The following LRMDA variants were observed in gnomAD, a reference collection of about 807,000 sequenced individuals.
LRMDA encodes leucine-rich melanocyte differentiation-associated protein.
LRMDA carries 18 observed loss-of-function variants against 29.8 expected under a neutral mutation model. The observed-to-expected ratio is 0.60, with a 90% CI of 0.42 to 0.90. The LOEUF (loss-of-function observed/expected upper bound fraction) is 0.90. Ranked by LOEUF, LRMDA falls within the 40% of genes least tolerant of loss-of-function variation. The pLI is 0.00. For synonymous variants in LRMDA, 125 were observed against 109.4 expected (o/e 1.14, Z -0.89); for missense variants, 273 against 273.9 (o/e 1.00, Z 0.02).
chr10:75,444,403 A>T (rs867434957), intron 2 of LRMDA, among the ~76,000 whole-genome samples: 6 of 152,320 alleles, frequency 3.9e-5, no homozygotes, highest in African/African-American at 1.2e-4. Flanking sequence ...GCTCCCTTAA[A>T]AGGCTCACAC....
intron 2 of LRMDA, among the ~76,000 whole-genome samples, chr10:75,560,324 GCT>G (rs1455605478): frequency 6.6e-6 from 1 of 151,594 alleles, no homozygotes; most frequent in Non-Finnish European, 1.5e-5. Context: ...TCATGATTTG[GCT>G]CTCTGTTTGT....
At chr10:75,846,822 G>C (rs1844646691) in intron 2 of LRMDA, among the ~76,000 whole-genome samples, 1 of 151,958 alleles carries the variant, frequency 6.6e-6, no homozygotes, top group African/African-American at 2.4e-5. Context: ...TGGAAAACTT[G>C]TACAAAAAGT....
chr10:75,500,281 A>G (rs1845097057), intron 2 of LRMDA, among the ~76,000 whole-genome samples: 1 of 152,124 alleles, frequency 6.6e-6, no homozygotes, highest in Admixed American at 6.6e-5. Flanking sequence ...TTTTCTGATG[A>G]CCACTAAGAT....
At position 75,750,450 on chromosome 10, in the gene LRMDA, C is replaced by G. The variant is rs1433367015; in HGVS notation, c.132-285558C>G. Among the ~76,000 whole-genome samples, 18 of 130,566 alleles carry G rather than the reference C, an allele frequency of 1.4e-4. 1 individual carries two copies. Among genetic ancestry groups the G allele is most frequent in the Admixed American group, 4.6e-4 (6 of 13,002 alleles). The allele number at this position is 130,566 out of a possible 152,430, so 85.7% of individuals were successfully genotyped here. On this transcript the variant is annotated intron_variant, in intron 2 of 6. Transcript: ENST00000611255. The stretch of plus-strand genomic sequence containing the variant: ...CTCAGTTCCCAGACGGGGTCGCGGC[C>G]GGGCAGAGGCGCTCCTCACATCCCA...
chr10:75,826,545 T>C (rs1200728691), intron 2 of LRMDA, among the ~76,000 whole-genome samples: 1 of 152,204 alleles, frequency 6.6e-6, no homozygotes, highest in East Asian at 1.9e-4. Context: ...GTGGAGCTCT[T>C]TCTTTTAAAC....
At chr10:75,553,102 T>C (rs914595911) in intron 2 of LRMDA, among the ~76,000 whole-genome samples, 3 of 152,202 alleles carry the variant, frequency 2.0e-5, no homozygotes, top group Admixed American at 1.3e-4. Flanking sequence ...TTTTTCTTGC[T>C]TTTTGTCTGA....
At chr10:75,512,399 T>G (rs944291526) in intron 2 of LRMDA, among the ~76,000 whole-genome samples, 2 of 151,964 alleles carry the variant, frequency 1.3e-5, no homozygotes, top group Non-Finnish European at 2.9e-5. Context: ...TATGGCTCTG[T>G]GTAGAGTATT....
intron 5 of LRMDA, among the ~76,000 whole-genome samples, chr10:76,200,328 G>T (rs1564683022): frequency 6.6e-6 from 1 of 152,150 alleles, no homozygotes; most frequent in East Asian, 1.9e-4. Context: ...TGGAGCTAAT[G>T]ATAGAAACGT....
intron 2 of LRMDA, among the ~76,000 whole-genome samples, chr10:75,964,876 T>C (rs1365852382): frequency 6.6e-6 from 1 of 152,250 alleles, no homozygotes; most frequent in African/African-American, 2.4e-5. Flanking sequence ...CAAACAATTC[T>C]ACCTCAGCCT....
intron 2 of LRMDA, among the ~76,000 whole-genome samples, chr10:75,983,854 G>A (rs1441262063): frequency 6.6e-6 from 1 of 152,030 alleles, no homozygotes; most frequent in East Asian, 1.9e-4. Flanking sequence ...GGGGTTTCAC[G>A]ATGTTGGTCA....
intron 5 of LRMDA, among the ~76,000 whole-genome samples, chr10:76,236,283 G>A (rs900315342): frequency 1.3e-5 from 2 of 152,142 alleles, no homozygotes; most frequent in African/African-American, 4.8e-5. Flanking sequence ...CTGAAAGTCA[G>A]GTAACACCAG....
At chr10:75,685,318 A>G (rs899653575) in intron 2 of LRMDA, among the ~76,000 whole-genome samples, 2 of 152,022 alleles carry the variant, frequency 1.3e-5, no homozygotes, top group African/African-American at 4.8e-5. Flanking sequence ...GAGAATTTGG[A>G]GAGTTCTCCT....
chr10:75,907,253 G>A lies in LRMDA; in HGVS notation c.132-128755G>A, dbSNP rs978329201. 1.9e-4 allele frequency among the ~76,000 whole-genome samples: 29 copies of A among 152,138 alleles called. 2 individuals carry two copies. The highest frequency in any genetic ancestry group is 6.5e-5 in the Admixed American group (1 of 15,272). On this transcript the variant is annotated intron_variant, in intron 2 of 6. Coordinates refer to ENST00000611255, the MANE Select transcript of LRMDA (RefSeq NM_001305581.2). ...TTTGAAAGTATAAATTAAAGGTTTA[G>A]TGTATATAAAATTTGTCATGTTTAA... is the stretch of plus-strand genomic sequence containing the variant.
chr10:75,568,480 C>CT (rs1271988746), intron 2 of LRMDA, among the ~76,000 whole-genome samples: 1 of 152,208 alleles, frequency 6.6e-6, no homozygotes, highest in Non-Finnish European at 1.5e-5. Context: ...TAAACATATA[C>CT]TTATTCTCCT....
In LRMDA at chr10:76,317,337, C is replaced by A. The variant is rs187171370; in HGVS notation, c.517-7064C>A. On this transcript the variant is annotated intron_variant, in intron 5 of 6. Coordinates refer to ENST00000611255, the MANE Select transcript of LRMDA (RefSeq NM_001305581.2). ...TTAAATCCTGTCACACACTTTGCCT[C>A]CTTTCTTTACCATCTCCTTCTTTTT... Among the ~76,000 whole-genome samples, 178 of 152,280 alleles carry A rather than the reference C, an allele frequency of 1.2e-3. 1 individual carries two copies. The highest frequency in any genetic ancestry group is 4.2e-3 in the African/African-American group (174 of 41,560).
intron 5 of LRMDA, among the ~76,000 whole-genome samples, chr10:76,080,836 T>G (rs1420689707): frequency 1.3e-5 from 2 of 152,082 alleles, no homozygotes; most frequent in Admixed American, 1.3e-4. Context: ...ATAGGCTGGG[T>G]ACTCAAAAGC....
At chr10:76,202,648 A>G (rs1021068837) in intron 5 of LRMDA, among the ~76,000 whole-genome samples, 1 of 152,152 alleles carries the variant, frequency 6.6e-6, no homozygotes, top group Non-Finnish European at 1.5e-5. Flanking sequence ...GGACTGCAGA[A>G]TGAAGGAAAG....
intron 2 of LRMDA, among the ~76,000 whole-genome samples, chr10:75,802,454 C>A (rs1251893936): frequency 6.6e-6 from 1 of 152,110 alleles, no homozygotes; most frequent in African/African-American, 2.4e-5. Flanking sequence ...TAGCCACATA[C>A]CTAGCTGTGT....
At chr10:75,839,706 T>TCTC (rs199627941) in intron 2 of LRMDA, among the ~76,000 whole-genome samples, 1 of 135,466 alleles carries the variant, frequency 7.4e-6, no homozygotes, top group African/African-American at 2.8e-5. Context: ...CTTTCTTTTT[T>TCTC]TTTTTTTTTT....
Sources: allele counts gnomAD v4.1 joint callset (sites outside exome capture counted in the v4.1 genomes callset), GRCh38; gene constraint gnomAD v4.1.1; transcripts MANE v1.5; gene names NCBI Gene and HGNC (gene_info 2026-07-23, HGNC 2026-07-21).